GRAMD1A: variants seen among roughly 807,000 people sequenced by gnomAD.
GRAMD1A encodes GRAM domain containing 1A.
In GRAMD1A, 50 loss-of-function variants were observed where a neutral mutation model predicts 92.0. The observed-to-expected ratio is 0.54, with a 90% CI of 0.43 to 0.69. The LOEUF (loss-of-function observed/expected upper bound fraction) is 0.69, where lower values mean the gene tolerates loss of function less well. Among genes scored for constraint, GRAMD1A ranks in the 30% least tolerant of loss-of-function variants. The pLI is 0.00. For missense variants in GRAMD1A, 819 were observed against 978.9 expected, an observed-to-expected ratio of 0.84 and a Z score of 2.18; for synonymous variants, 405 against 403.6, an observed-to-expected ratio of 1.00 and a Z score of -0.04.
At chr19:35,019,155 GGT>G in intron 11 of GRAMD1A, 34 bp from the exon 12 acceptor site, 1 of 1,389,176 alleles carries the variant, frequency 7.2e-7, no homozygotes, top group South Asian at 1.2e-5. Context: ...AAAGGACTGG[GGT>G]GTGGCCTCCT....
At chr19:34,995,963 C>G, upstream of GRAMD1A, 5 of 1,392,302 alleles carry the variant, frequency 3.6e-6, no homozygotes, top group Non-Finnish European at 4.8e-6. Context: ...AGCGGGAGCT[C>G]TATCCCTCAT....
At position 35,020,899 on chromosome 19, in the gene GRAMD1A, G is replaced by A. The variant is rs77473511; in HGVS notation, c.1476-603G>A. 4.0e-3 allele frequency among the ~76,000 whole-genome samples: 606 copies of A among 152,268 alleles called. 5 individuals carry two copies. The highest frequency in any genetic ancestry group is 7.1e-3 in the Non-Finnish European group (480 of 68,030). On this transcript the variant is annotated intron_variant, in intron 13 of 19. Coordinates refer to ENST00000317991, the MANE Select transcript of GRAMD1A (RefSeq NM_020895.5). ...GGACATCCAGGCTGGAGGGGACGGA[G>A]GCTGAATCAGGGTGAGGAAATGGAG...
Position 35,019,414 on chromosome 19 carries a change from G to C in GRAMD1A, c.1356G>C (p.Gln452His), listed in dbSNP as rs1244887311. 1 of 1,613,868 alleles carries C rather than the reference G, an allele frequency of 6.2e-7. No individual in the cohort carries two copies. The highest frequency in any genetic ancestry group is 8.5e-7 in the Non-Finnish European group (1 of 1,179,924). ...AGACGCTGTTCCGGCGCGGCCCCCA[G>C]GCCGGCGGGTGTGTGGTGGACTCCG... ...ETQTLFRRGP[Q>H]AGGCVVDSEV... The change falls in exon 13 of 20, where the codon CAG becomes CAC. Residue 452 changes from glutamine to histidine, a missense_variant. Physicochemically the swap from Gln to His is conservative, Grantham distance 24 (BLOSUM62 0). Transcript: ENST00000317991.
rs763597509 is a variant in GRAMD1A at position 35,021,705 on chromosome 19, A to C, written c.1594A>C (p.Lys532Gln). 1.2e-6 allele frequency: 2 copies of C among 1,614,090 alleles called. No homozygotes were observed. Among genetic ancestry groups the C allele is most frequent in the Non-Finnish European group, 1.7e-6 (2 of 1,180,022 alleles). The change falls in exon 15 of 20, where the codon AAG becomes CAG. Residue 532 changes from lysine (K) to glutamine (Q), a missense_variant. By Grantham distance (53) the Lys-to-Gln change is moderately conservative (BLOSUM62 1). Transcript: ENST00000317991. The surrounding 1 kb of genome is among the most constrained non-coding windows in gnomAD (Gnocchi z 5.3). Reference sequence around the variant, plus strand: ...CTTTTACGCAGAGCGAGAGCTCGCCAAGGCTGAGAAGCTGTCTCTGGAGGA... The same window carrying C: ...CTTTTACGCAGAGCGAGAGCTCGCCCAGGCTGAGAAGCTGTCTCTGGAGGA... ...YFHHLERELA[K>Q]AEKLSLEEGG... is the part of the protein sequence containing the mutation.
At chr19:35,000,270 G>T, upstream of GRAMD1A, 1 of 1,028,778 alleles carries the variant, frequency 9.7e-7, no homozygotes, top group African/African-American at 1.7e-5. This position sits in a 1 kb window ranked among gnomAD's most constrained non-coding sequence, Gnocchi z 4.9. Context: ...GCGGCGGGGC[G>T]GGGGAAGGAA....
intron 10 of GRAMD1A, 145 bp from the exon 11 acceptor site, chr19:35,015,679 G>A: frequency 1.4e-6 from 1 of 692,264 alleles, no homozygotes; most frequent in South Asian, 2.0e-5. Context: ...TGAGTCACAG[G>A]AGGGCTCTGT....
chr19:34,995,579 T>G (rs920678322), upstream of GRAMD1A, among the ~76,000 whole-genome samples: 3 of 140,334 alleles, frequency 2.1e-5, no homozygotes, highest in Admixed American at 7.0e-5. Flanking sequence ...GGGTTTTTTT[T>G]TTTTTTTTTT....
chr19:35,013,808 G>T lies in GRAMD1A; in HGVS notation c.870+117G>T. On this transcript the variant is annotated intron_variant, in intron 9 of 19. Coordinates refer to ENST00000317991, the MANE Select transcript of GRAMD1A (RefSeq NM_020895.5). This position sits in a 1 kb window ranked among gnomAD's most constrained non-coding sequence, Gnocchi z 4.9. ...GGAGGGGAATGGATAGGGGGACAGGGGAGGCCTGGATGGAGGAACAGGACA... is the reference window on the plus strand; with the variant it reads ...GGAGGGGAATGGATAGGGGGACAGGTGAGGCCTGGATGGAGGAACAGGACA... 9.6e-7 allele frequency: 1 copy of T among 1,046,240 alleles called. No homozygotes were observed. The highest frequency in any genetic ancestry group is 2.5e-5 in the East Asian group (1 of 40,190). The allele number at this position is 1,046,240 out of a possible 1,614,324, so 64.8% of individuals were successfully genotyped here.
chr19:35,023,613 C>G (rs986153320), intron 19 of GRAMD1A, 66 bp downstream of exon 19: 8 of 1,445,548 alleles, frequency 5.5e-6, no homozygotes, highest in Non-Finnish European at 6.4e-6. Flanking sequence ...TGAAACCCCA[C>G]CGTGCGGCAG....
At chr19:35,014,696 A>C (rs942074346) in intron 10 of GRAMD1A, 8 of 425,754 alleles carry the variant, frequency 1.9e-5, no homozygotes, top group African/African-American at 4.0e-5. Flanking sequence ...TGGGGTTAAC[A>C]ATGATAATAC....
intron 11 of GRAMD1A, 24 bp downstream of exon 11, chr19:35,015,991 G>T (rs1457496782): frequency 6.2e-7 from 1 of 1,607,800 alleles, no homozygotes; most frequent in Non-Finnish European, 8.5e-7. Flanking sequence ...TGAAGGAGAG[G>T]CTGAGGTTAC....
intron 1 of GRAMD1A, among the ~76,000 whole-genome samples, chr19:35,005,091 C>G (rs989182303): frequency 6.7e-6 from 1 of 148,728 alleles, no homozygotes; most frequent in African/African-American, 2.5e-5. Flanking sequence ...CTATGGGGGG[C>G]GGGGAAGGAG....
Position 35,021,101 on chromosome 19 carries a change from T to C in GRAMD1A, c.1476-401T>C, listed in dbSNP as rs1346265979. Among the ~76,000 whole-genome samples the C allele has an allele frequency of 6.6e-6, 1 of 151,652 alleles. No individual in the cohort carries two copies. The highest frequency in any genetic ancestry group is 2.4e-5 in the African/African-American group (1 of 41,226). ...GATGGGGGCGGCAGGGAGGAATGGG[T>C]TTGGGGAAAGACCAGGAGGTCAGTT... is the stretch of plus-strand genomic sequence containing the variant. On this transcript the variant is annotated intron_variant, in intron 13 of 19. Transcript: ENST00000317991. This position sits in a 1 kb window ranked among gnomAD's most constrained non-coding sequence, Gnocchi z 5.3.
intron 19 of GRAMD1A, chr19:35,025,142 T>C (rs1319982531): frequency 6.6e-6 from 1 of 151,916 alleles, no homozygotes; most frequent in Non-Finnish European, 1.5e-5. Flanking sequence ...GGGTGCAGAG[T>C]TGACGTCACA....
In GRAMD1A at chr19:35,023,231, C is replaced by T. The variant is rs2016200139; in HGVS notation, c.1854-5C>T. 1 of 1,611,254 alleles carries T rather than the reference C, an allele frequency of 6.2e-7. No individual in the cohort carries two copies. Among genetic ancestry groups the T allele is most frequent in the Non-Finnish European group, 8.5e-7 (1 of 1,177,498 alleles). On this transcript the variant is annotated splice_region_variant and splice_polypyrimidine_tract_variant and intron_variant, in intron 17 of 19. Coordinates refer to ENST00000317991, the MANE Select transcript of GRAMD1A (RefSeq NM_020895.5). ...GGAATCCTGACCTCTGACCCCTGTC[C>T]CCAGCCTTATCATCCTCATCGCCCT...
At chr19:35,018,662 C>T (rs918314997) in intron 11 of GRAMD1A, among the ~76,000 whole-genome samples, 2 of 152,174 alleles carry the variant, frequency 1.3e-5, no homozygotes, top group Non-Finnish European at 2.9e-5. Flanking sequence ...GCCAGACACT[C>T]AAGGGAAGGC....
intron 11 of GRAMD1A, among the ~76,000 whole-genome samples, chr19:35,016,195 A>G (rs931744506): frequency 6.6e-5 from 10 of 152,228 alleles, no homozygotes; most frequent in African/African-American, 2.2e-4. Context: ...TAATGGGGGT[A>G]TGATAATAGT....
chr19:35,022,956 AC>A (rs2016178475), intron 17 of GRAMD1A, 45 bp downstream of exon 17: 1 of 916,848 alleles, frequency 1.1e-6, no homozygotes, highest in African/African-American at 3.1e-5. Context: ...CCTGCACCCC[AC>A]CCCTGCTGCA....
At chr19:35,022,952 C>T (rs1376198125) in intron 17 of GRAMD1A, 41 bp downstream of exon 17, 14 of 1,429,942 alleles carry the variant, frequency 9.8e-6, no homozygotes, top group South Asian at 3.7e-5. Context: ...CCTCCCTGCA[C>T]CCCACCCCTG....
Sources: gnomAD v4.1 joint callset for allele counts (sites outside exome capture counted in the v4.1 genomes callset) on GRCh38, gnomAD v4.1.1 for gene constraint, Gnocchi (gnomAD v3.1) non-coding constraint, MANE v1.5 for transcripts, NCBI Gene and HGNC (gene_info 2026-07-23, HGNC 2026-07-21) for gene names.